TMCC1: variants seen among roughly 807,000 people sequenced by gnomAD.
TMCC1 encodes the protein transmembrane and coiled-coil domain family 1.
TMCC1 carries 15 observed loss-of-function variants against 52.4 expected under a neutral mutation model. The ratio of observed to expected loss-of-function variants is 0.29; its 90% CI spans 0.19 to 0.44. The LOEUF is 0.44. TMCC1 is among the 20% of genes least tolerant of loss of function. TMCC1 has a pLI of 1.00. For synonymous variants in TMCC1, 279 were observed against 301.9 expected, an observed-to-expected ratio of 0.92 and a Z score of 0.79; for missense variants, 503 against 806.0, an observed-to-expected ratio of 0.62 and a Z score of 4.55.
At chr3:129,716,827 G>A (rs886921747) in intron 4 of TMCC1, among the ~76,000 whole-genome samples, 3 of 152,120 alleles carry the variant, frequency 2.0e-5, no homozygotes, top group Admixed American at 6.5e-5. Flanking sequence ...CTTAAGGCAG[G>A]AGGCCTGTAT....
At chr3:129,696,674 C>G (rs2047437088) in intron 4 of TMCC1, among the ~76,000 whole-genome samples, 1 of 152,150 alleles carries the variant, frequency 6.6e-6, no homozygotes, top group Admixed American at 6.5e-5. Context: ...CGCCTATGAG[C>G]CTGTAAAATA....
At chr3:129,706,457 CA>C (rs1167039526) in intron 4 of TMCC1, among the ~76,000 whole-genome samples, 1 of 152,178 alleles carries the variant, frequency 6.6e-6, no homozygotes, top group African/African-American at 2.4e-5. Flanking sequence ...GCTCCCACCT[CA>C]GCCTCCCAAA....
chr3:129,708,685 G>A (rs977371145), intron 4 of TMCC1, among the ~76,000 whole-genome samples: 4 of 152,226 alleles, frequency 2.6e-5, no homozygotes, highest in African/African-American at 9.6e-5. Context: ...TGGACAGGGA[G>A]TATCCTGAAG....
At chr3:129,865,299 G>C (rs2060572209) in intron 2 of TMCC1, among the ~76,000 whole-genome samples, 1 of 151,836 alleles carries the variant, frequency 6.6e-6, no homozygotes, top group Non-Finnish European at 1.5e-5. Flanking sequence ...GGAAGTACAG[G>C]TACATGACAC....
intron 4 of TMCC1, among the ~76,000 whole-genome samples, chr3:129,685,577 T>A (rs1050063001): frequency 1.3e-4 from 20 of 152,136 alleles, no homozygotes; most frequent in African/African-American, 4.8e-4. Context: ...AGCACCTTCA[T>A]GATAACTGAA....
At chr3:129,725,684 ATT>A (rs202212845) in intron 4 of TMCC1, among the ~76,000 whole-genome samples, 1 of 148,226 alleles carries the variant, frequency 6.7e-6, no homozygotes, top group African/African-American at 2.5e-5. Context: ...TTGAACATTG[ATT>A]TTTTTTTTTG....
chr3:129,840,225 A>G (rs959737708), intron 2 of TMCC1, among the ~76,000 whole-genome samples: 1 of 148,896 alleles, frequency 6.7e-6, no homozygotes, highest in African/African-American at 2.5e-5. Context: ...TACTTAGGAC[A>G]TTGAGGTGGG....
chr3:129,709,474 CAAAAAAAAAAAA>C (rs1160022823), intron 4 of TMCC1, among the ~76,000 whole-genome samples: 49 of 20,520 alleles, frequency 2.4e-3, no homozygotes, highest in Non-Finnish European at 6.3e-4. Flanking sequence ...AGACTTGCCT[CAAAAAAAAAAAA>C]AAAAAAAAAA....
At chr3:129,853,290 C>T (rs2059997993) in intron 2 of TMCC1, among the ~76,000 whole-genome samples, 1 of 152,090 alleles carries the variant, frequency 6.6e-6, no homozygotes, top group Non-Finnish European at 1.5e-5. Flanking sequence ...AAGCATACCC[C>T]TATGACAAAT....
intron 4 of TMCC1, among the ~76,000 whole-genome samples, chr3:129,727,137 A>G (rs549390216): frequency 2.6e-5 from 4 of 152,218 alleles, no homozygotes; most frequent in Non-Finnish European, 5.9e-5. Flanking sequence ...GGAACAAACA[A>G]ATGAACAAAA....
intron 4 of TMCC1, among the ~76,000 whole-genome samples, chr3:129,771,626 T>C (rs2054579431): frequency 6.6e-6 from 1 of 151,230 alleles, no homozygotes; most frequent in South Asian, 2.1e-4. Flanking sequence ...AATACAAAAA[T>C]AAGCTGGGTG....
At chr3:129,761,220 C>T (rs1019350343) in intron 4 of TMCC1, among the ~76,000 whole-genome samples, 12 of 149,972 alleles carry the variant, frequency 8.0e-5, no homozygotes, top group Admixed American at 4.7e-4. Context: ...CCCAGCTACT[C>T]GGGAGGGTGA....
chr3:129,830,571 G>C (rs1474856407), intron 3 of TMCC1, among the ~76,000 whole-genome samples: 1 of 152,132 alleles, frequency 6.6e-6, no homozygotes, highest in Non-Finnish European at 1.5e-5. Context: ...GGGAGGGTGT[G>C]AAAGCAGCAG....
intron 4 of TMCC1, among the ~76,000 whole-genome samples, chr3:129,741,229 G>A (rs1219627217): frequency 6.6e-6 from 1 of 152,198 alleles, no homozygotes; most frequent in Non-Finnish European, 1.5e-5. Flanking sequence ...ATCATCAAAA[G>A]GAGGATACAG....
chr3:129,769,820 A>C (rs1472885810), intron 4 of TMCC1, among the ~76,000 whole-genome samples: 2 of 152,192 alleles, frequency 1.3e-5, no homozygotes, highest in African/African-American at 4.8e-5. Context: ...AGGGGACATA[A>C]GCTATACTGA....
chr3:129,801,569 C>G (rs1222637652), intron 4 of TMCC1, among the ~76,000 whole-genome samples: 1 of 152,148 alleles, frequency 6.6e-6, no homozygotes, highest in Non-Finnish European at 1.5e-5. Flanking sequence ...TAAAGCAATT[C>G]TCCTGCTTCA....
At chr3:129,757,547 A>G (rs1560344924) in intron 4 of TMCC1, among the ~76,000 whole-genome samples, 1 of 152,188 alleles carries the variant, frequency 6.6e-6, no homozygotes, top group Non-Finnish European at 1.5e-5. Context: ...TCGGCTGGGC[A>G]TGGTTGCTCA....
intron 4 of TMCC1, among the ~76,000 whole-genome samples, chr3:129,678,175 C>T (rs1457649827): frequency 6.6e-6 from 1 of 152,048 alleles, no homozygotes; most frequent in Non-Finnish European, 1.5e-5. Flanking sequence ...CCTCCTTGGA[C>T]TCCCAAAGTG....
intron 4 of TMCC1, among the ~76,000 whole-genome samples, chr3:129,752,380 T>A (rs1328874925): frequency 6.6e-6 from 1 of 152,194 alleles, no homozygotes; most frequent in African/African-American, 2.4e-5. Context: ...ATAGTCATCA[T>A]CAGAATCAAA....
Sources: allele counts gnomAD v4.1 joint callset (sites outside exome capture counted in the v4.1 genomes callset), GRCh38; gene constraint gnomAD v4.1.1; transcripts MANE v1.5; gene names NCBI Gene and HGNC (gene_info 2026-07-23, HGNC 2026-07-21).